FAM210A: variants seen among roughly 807,000 people sequenced by gnomAD.
The protein encoded by FAM210A is mitochondrial inner membrane scaffold 1.
A neutral mutation model predicts 25.3 loss-of-function variants in FAM210A; 13 were observed. The observed-to-expected ratio is 0.51, with a 90% CI of 0.33 to 0.82. The LOEUF (loss-of-function observed/expected upper bound fraction) is 0.82. Ranked by LOEUF, FAM210A falls within the 40% of genes least tolerant of loss-of-function variation. FAM210A has a pLI of 0.02. For missense variants in FAM210A, 319 were observed against 323.2 expected (o/e 0.99, Z 0.10); for synonymous variants, 125 against 118.7 (o/e 1.05, Z -0.35).
chr18:13,681,174 T>C (rs2043550010), intron 2 of FAM210A, among the ~76,000 whole-genome samples: 1 of 152,246 alleles, frequency 6.6e-6, no homozygotes, highest in South Asian at 2.1e-4. Flanking sequence ...ATTTTATGTC[T>C]GTGCTTTCCT....
intron 1 of FAM210A, among the ~76,000 whole-genome samples, chr18:13,686,424 G>C (rs907822459): frequency 6.6e-6 from 1 of 152,128 alleles, no homozygotes; most frequent in African/African-American, 2.4e-5. Flanking sequence ...TCAATGCTAC[G>C]TCTGTAAACC....
rs1256400650 is a variant in FAM210A, at chr18:13,664,826, G to C, written c.*1654C>G. ...TATAAAAATCCTGGCAAAGAGCAGG[G>C]GTCCCTGCGGGACTGTGTGGCAAAC... On this transcript the variant is annotated 3_prime_UTR_variant, in exon 4 of 4. Transcript: ENST00000651643. The C allele has an allele frequency of 2.6e-5, 4 of 152,154 alleles. No individual in the cohort carries two copies. The highest frequency in any genetic ancestry group is 5.9e-5 in the Non-Finnish European group (4 of 68,032). 9.4% of individuals were successfully genotyped at this position (152,154 alleles called of 1,614,324 possible).
chr18:13,676,577 C>G (rs1293203533), intron 2 of FAM210A, among the ~76,000 whole-genome samples: 4 of 152,240 alleles, frequency 2.6e-5, no homozygotes, highest in Admixed American at 6.5e-5. Context: ...GCCCCTAAAT[C>G]AGAACGAAGA....
rs2043790600 is a variant in FAM210A, at chr18:13,707,810, G to A, written c.-29+18519C>T. Among the ~76,000 whole-genome samples the A allele has an allele frequency of 3.3e-5, 5 of 152,284 alleles. No homozygotes were observed. In the South Asian group the frequency reaches 8.3e-4, roughly 25 times the overall value. ...TTCAACCACTCATAGACTGCTAAGT[G>A]CTCAGTGTTCAAATAAGGCAAACGC... On this transcript the variant is annotated intron_variant, in intron 1 of 3. Coordinates refer to ENST00000651643, the MANE Select transcript of FAM210A (RefSeq NM_152352.4).
At chr18:13,721,389 T>C (rs1349070767) in intron 1 of FAM210A, among the ~76,000 whole-genome samples, 3 of 152,192 alleles carry the variant, frequency 2.0e-5, no homozygotes, top group East Asian at 3.9e-4. Flanking sequence ...GTTAAGTTTA[T>C]GATAATCCAC....
chr18:13,690,078 G>T (rs894359971), intron 1 of FAM210A, among the ~76,000 whole-genome samples: 2 of 152,190 alleles, frequency 1.3e-5, no homozygotes, highest in Non-Finnish European at 2.9e-5. Flanking sequence ...CTTTTCCAAC[G>T]GCCTTAGCAA....
chr18:13,665,441 T>C lies in FAM210A; in HGVS notation c.*1039A>G, dbSNP rs1304903879. The C allele has an allele frequency of 7.0e-6, 1 of 143,426 alleles. No individual in the cohort carries two copies. The highest frequency in any genetic ancestry group is 1.5e-5 in the Non-Finnish European group (1 of 65,044). 8.9% of individuals were successfully genotyped at this position (143,426 alleles called of 1,614,324 possible). Reference sequence around the variant, plus strand: ...AATGCTCAAACAAGGATATTTCCCTTCAATGTAAGACAAAAAGCAGCAGCC... The same window carrying C: ...AATGCTCAAACAAGGATATTTCCCTCCAATGTAAGACAAAAAGCAGCAGCC... On this transcript the variant is annotated 3_prime_UTR_variant, in exon 4 of 4. Coordinates refer to ENST00000651643, the MANE Select transcript of FAM210A (RefSeq NM_152352.4).
At chr18:13,674,990 A>T (rs1399156335) in intron 2 of FAM210A, among the ~76,000 whole-genome samples, 38 of 116,070 alleles carry the variant, frequency 3.3e-4, no homozygotes, top group East Asian at 1.1e-3. Flanking sequence ...TGGCTTCTTT[A>T]TTTCCTGTTT....
chr18:13,681,995 T>C lies in FAM210A; in HGVS notation c.83A>G (p.His28Arg), dbSNP rs746574984. The change falls in exon 2 of 4, where the codon CAC becomes CGC. Residue 28 changes from histidine (H) to arginine (R), a missense_variant. By Grantham distance (29) the His-to-Arg change is conservative (BLOSUM62 0). Transcript: ENST00000651643. ...LEPHNAGLFG[H>R]CQNVKGPLLL... is the part of the protein sequence containing the mutation. ...TAAAGGTCCCTTTACATTTTGACAG[T>C]GTCCAAAGAGACCAGCATTATGTGG... is the stretch of plus-strand genomic sequence containing the variant. The C allele has an allele frequency of 5.0e-6, 8 of 1,614,206 alleles. No individual in the cohort carries two copies. The East Asian group carries it at 1.8e-4, about 36-fold the overall frequency.
At chr18:13,702,544 T>G in intron 1 of FAM210A, among the ~76,000 whole-genome samples, 1 of 152,226 alleles carries the variant, frequency 6.6e-6, no homozygotes, top group East Asian at 1.9e-4. Flanking sequence ...TGGCTACACT[T>G]ACTCTTGGTC....
intron 1 of FAM210A, among the ~76,000 whole-genome samples, chr18:13,692,096 G>C (rs987847206): frequency 6.6e-6 from 1 of 150,724 alleles, no homozygotes; most frequent in South Asian, 2.1e-4. Context: ...AAAGGCAGGG[G>C]TTGCAATCCT....
Position 13,666,560 on chromosome 18 carries a change from T to C in FAM210A, c.739A>G (p.Met247Val). 6.2e-7 allele frequency: 1 copy of C among 1,614,220 alleles called. No homozygotes were observed. Residue 247 changes from methionine (M) to valine (V), a missense_variant, in exon 4 of 4, where the codon ATG becomes GTG. Coordinates refer to ENST00000651643, the MANE Select transcript of FAM210A (RefSeq NM_152352.4). The stretch of plus-strand genomic sequence containing the variant: ...GTGAGTCTATCTTTTGTTTCTTCCA[T>C]TTTCTCTGTGATAAGCTCCTTTGTC... Reference protein sequence around the residue: ...EETKELITEKMEETKDRLTEK... With the variant: ...EETKELITEKVEETKDRLTEK...
At chr18:13,681,120 A>G (rs1019219407) in intron 2 of FAM210A, among the ~76,000 whole-genome samples, 2 of 152,218 alleles carry the variant, frequency 1.3e-5, no homozygotes, top group South Asian at 4.1e-4. Flanking sequence ...TAAGAAATAT[A>G]TAATTATGGA....
intron 1 of FAM210A, among the ~76,000 whole-genome samples, chr18:13,707,238 C>A (rs528114922): frequency 6.6e-6 from 1 of 152,278 alleles, no homozygotes; most frequent in South Asian, 2.1e-4. Flanking sequence ...AAGTGAGAAC[C>A]AGAACAGAAG....
At chr18:13,718,335 A>C (rs1284195) in intron 1 of FAM210A, among the ~76,000 whole-genome samples, 135,169 of 152,176 alleles carry the variant, frequency 0.89, 60,107 homozygotes, top group East Asian at 0.97. Context: ...GCCACACAGA[A>C]CCTGAGTACA....
At chr18:13,720,008 T>C (rs1271261702) in intron 1 of FAM210A, among the ~76,000 whole-genome samples, 1 of 152,218 alleles carries the variant, frequency 6.6e-6, no homozygotes, top group African/African-American at 2.4e-5. Context: ...ACACATGCCA[T>C]CTGCTTGTGC....
At chr18:13,671,423 T>C (rs1431035771) in intron 3 of FAM210A, among the ~76,000 whole-genome samples, 1 of 152,168 alleles carries the variant, frequency 6.6e-6, no homozygotes, top group African/African-American at 2.4e-5. Flanking sequence ...ACGGGAGCAA[T>C]GTCAAACAGA....
chr18:13,680,814 A>C (rs756747350), intron 2 of FAM210A, among the ~76,000 whole-genome samples: 4 of 152,242 alleles, frequency 2.6e-5, no homozygotes, highest in Non-Finnish European at 5.9e-5. Context: ...AGTGGCAGAA[A>C]TGGGAAATCA....
At chr18:13,725,856 G>A (rs1414464958) in intron 1 of FAM210A, among the ~76,000 whole-genome samples, 9 of 152,198 alleles carry the variant, frequency 5.9e-5, no homozygotes, top group Admixed American at 1.3e-4. Flanking sequence ...GTCAAGAAGA[G>A]GTATAGGCGG....
Sources: allele counts gnomAD v4.1 joint callset (sites outside exome capture counted in the v4.1 genomes callset), GRCh38; gene constraint gnomAD v4.1.1; transcripts MANE v1.5; gene names NCBI Gene and HGNC (gene_info 2026-07-23, HGNC 2026-07-21).